Variants in RYR3 observed in about 807,000 individuals in gnomAD.
RYR3 encodes ryanodine receptor 3.
Under a neutral mutation model 584.3 loss-of-function variants are expected in RYR3, and 207 were observed. The observed-to-expected ratio is 0.35, with a 90% CI of 0.32 to 0.40. The LOEUF (loss-of-function observed/expected upper bound fraction) is 0.40. Ranked by LOEUF, RYR3 falls within the 10% of genes least tolerant of loss-of-function variation. The probability of loss-of-function intolerance (pLI) is 1.00; values close to 1 mark genes in which losing one functional copy is unlikely to be tolerated. For synonymous variants in RYR3, 2,416 were observed against 2,248.5 expected (o/e 1.07, Z -2.11); for missense variants, 5,616 against 6,089.2 (o/e 0.92, Z 2.59).
Position 33,311,055 on chromosome 15 carries a change from G to T in RYR3, c.10G>T (p.Gly4Trp). 6.3e-7 allele frequency: 1 copy of T among 1,582,230 alleles called. No homozygotes were observed. The highest frequency in any genetic ancestry group is 1.1e-5 in the South Asian group (1 of 87,286). ...CGACGCCTCGGGAGCCATGGCCGAA[G>T]GGGGAGAAGGAGGCGAGGACGAGAT... is the stretch of plus-strand genomic sequence containing the variant. Reference protein sequence around the residue: MAEGGEGGEDEIQF... With the variant: MAEWGEGGEDEIQF... Residue 4 changes from glycine to tryptophan, a missense_variant, in exon 1 of 104, where the codon GGG becomes TGG. Around this residue, in one of 9 missense-constraint regions of RYR3, gnomAD observed 1,284 missense variants for 1,344.6 expected, o/e 0.95. Transcript: ENST00000634891. The surrounding 1 kb of genome is among the most constrained non-coding windows in gnomAD (Gnocchi z 4.4).
chr15:33,515,590 A>C (rs183271333), intron 3 of RYR3, among the ~76,000 whole-genome samples: 23 of 152,334 alleles, frequency 1.5e-4, no homozygotes, highest in Non-Finnish European at 7.3e-5. Context: ...GGAGCTACCT[A>C]GGCCTCTGCT....
At chr15:33,768,482 C>T (rs1386013342) in intron 60 of RYR3, among the ~76,000 whole-genome samples, 176 bp from the exon 61 acceptor site, 3 of 152,190 alleles carry the variant, frequency 2.0e-5, no homozygotes, top group Admixed American at 6.5e-5. Context: ...GCAGTGTGAA[C>T]CACACATGTT....
At chr15:33,861,278 A>G in intron 102 of RYR3, 100 bp downstream of exon 102, 1 of 771,852 alleles carries the variant, frequency 1.3e-6, no homozygotes, top group Non-Finnish European at 2.1e-6. Context: ...GTAACCAGAA[A>G]GGAACTTCCA....
chr15:33,364,865 G>T (rs1975261190), intron 1 of RYR3, among the ~76,000 whole-genome samples: 1 of 152,170 alleles, frequency 6.6e-6, no homozygotes, highest in Non-Finnish European at 1.5e-5. Flanking sequence ...TCCACAGTAT[G>T]CAATTCTAAC....
At chr15:33,383,776 GA>G (rs2141215739) in intron 1 of RYR3, among the ~76,000 whole-genome samples, 1 of 152,236 alleles carries the variant, frequency 6.6e-6, no homozygotes, top group African/African-American at 2.4e-5. Context: ...ATACCCAAAG[GA>G]AAATTATTCA....
intron 94 of RYR3, chr15:33,851,875 A>G (rs974221463): frequency 5.9e-5 from 9 of 152,222 alleles, no homozygotes; most frequent in African/African-American, 2.2e-4. Flanking sequence ...TGTACAAGGA[A>G]GAAAGTCAAA....
rs1185426546 is a variant in RYR3 at position 33,336,523 on chromosome 15, AGGG to A, written c.51+25428_51+25430del. On this transcript the variant is annotated intron_variant, in intron 1 of 103. Coordinates refer to ENST00000634891, the MANE Select transcript of RYR3 (RefSeq NM_001036.6). ...GAAAGAAGGAGGGAAGGAGGGAAGG[AGGG>A]AAGGAGGGAAGGAGGGAAGGAGGGA... Among the ~76,000 whole-genome samples, 13 of 85,826 alleles carry A rather than the reference AGGG, an allele frequency of 1.5e-4. 3 individuals carry two copies. Among genetic ancestry groups the A allele is most frequent in the African/African-American group, 5.5e-4 (10 of 18,258 alleles). 56.3% of individuals were successfully genotyped at this position (85,826 alleles called of 152,430 possible).
At chr15:33,835,151 A>C in intron 87 of RYR3, 79 bp downstream of exon 87, 1 of 1,108,122 alleles carries the variant, frequency 9.0e-7, no homozygotes, top group Non-Finnish European at 1.3e-6. Context: ...TCCCATTGTG[A>C]TGTGGCTGCT....
chr15:33,596,268 A>C (rs1234441802), intron 16 of RYR3, among the ~76,000 whole-genome samples: 1 of 151,984 alleles, frequency 6.6e-6, no homozygotes, highest in Non-Finnish European at 1.5e-5. Context: ...AAATACCCAA[A>C]TAGTGAAATA....
chr15:33,557,189 T>TATG (rs2057121607), intron 10 of RYR3, among the ~76,000 whole-genome samples: 1 of 151,728 alleles, frequency 6.6e-6, no homozygotes, highest in Non-Finnish European at 1.5e-5. Context: ...GCCTCAGTGT[T>TATG]ATCTATAAAG....
chr15:33,314,483 T>A (rs2140461862), intron 1 of RYR3, among the ~76,000 whole-genome samples: 1 of 152,296 alleles, frequency 6.6e-6, no homozygotes, highest in East Asian at 1.9e-4. Flanking sequence ...AAAACTTTTC[T>A]CTCCTACTTT....
chr15:33,707,088 C>G, intron 43 of RYR3, 34 bp downstream of exon 43: 1 of 1,611,208 alleles, frequency 6.2e-7, no homozygotes, highest in Non-Finnish European at 8.5e-7. Flanking sequence ...CTCTTATACC[C>G]AGAATAGCAT....
At chr15:33,408,823 T>C (rs559980281) in intron 1 of RYR3, among the ~76,000 whole-genome samples, 74 of 152,328 alleles carry the variant, frequency 4.9e-4, no homozygotes, top group African/African-American at 1.6e-3. Context: ...GCAGAGGACA[T>C]AAAATTTTAG....
In RYR3 at chr15:33,773,457, A is replaced by ATT. The variant is rs3086242; in HGVS notation, c.9056-68_9056-67dup. The stretch of plus-strand genomic sequence containing the variant: ...TTTTACTCTTTACTGATGCTCATGC[A>ATT]TTTTTTTTTTCCTCTTCATGGATCC... On this transcript the variant is annotated intron_variant, in intron 63 of 103. Transcript: ENST00000634891. 2.0e-3 allele frequency: 1,794 copies of ATT among 907,398 alleles called. 4 individuals carry two copies. The highest frequency in any genetic ancestry group is 0.013 in the African/African-American group (776 of 59,548). 56.2% of individuals were successfully genotyped at this position (907,398 alleles called of 1,614,324 possible). A position where few individuals can be genotyped will look rare whatever the true frequency, so the allele number is the denominator to read the frequency against.
intron 1 of RYR3, among the ~76,000 whole-genome samples, chr15:33,419,481 T>G (rs1444944630): frequency 2.0e-5 from 3 of 152,168 alleles, no homozygotes; most frequent in Non-Finnish European, 2.9e-5. Flanking sequence ...TTTTGGCTCC[T>G]GTCCTTCCTT....
chr15:33,815,076 A>G (rs565032839), intron 74 of RYR3, among the ~76,000 whole-genome samples: 7 of 151,978 alleles, frequency 4.6e-5, no homozygotes, highest in Non-Finnish European at 7.4e-5. Flanking sequence ...TCTCAAAAAA[A>G]AAAAAAAAAG....
chr15:33,789,895 C>G (rs1349406212), intron 67 of RYR3, among the ~76,000 whole-genome samples: 1 of 145,732 alleles, frequency 6.9e-6, no homozygotes, highest in Non-Finnish European at 1.5e-5. Flanking sequence ...AGGGTGGTTT[C>G]AAAGTCCTGA....
chr15:33,524,524 G>T (rs555661345), intron 3 of RYR3, among the ~76,000 whole-genome samples: 1 of 152,168 alleles, frequency 6.6e-6, no homozygotes, highest in East Asian at 1.9e-4. Context: ...GTCTTGAATT[G>T]CTCCCAGAAG....
intron 19 of RYR3, 70 bp from the exon 20 acceptor site, chr15:33,623,737 T>C: frequency 8.5e-7 from 1 of 1,182,604 alleles, no homozygotes; most frequent in African/African-American, 1.5e-5. Flanking sequence ...GATTGATCTT[T>C]AATTTTCACT....
Sources: gnomAD v4.1 joint callset for allele counts (sites outside exome capture counted in the v4.1 genomes callset) on GRCh38, gnomAD v4.1.1 for gene constraint, gnomAD v4.1.1 regional missense constraint, Gnocchi (gnomAD v3.1) non-coding constraint, MANE v1.5 for transcripts, NCBI Gene and HGNC (gene_info 2026-07-23, HGNC 2026-07-21) for gene names.